HS3ST3A1: variants seen among roughly 807,000 people sequenced by gnomAD.
The protein encoded by HS3ST3A1 is heparan sulfate glucosamine 3-O-sulfotransferase 3A1.
A neutral mutation model predicts 25.7 loss-of-function variants in HS3ST3A1; 19 were observed. The ratio of observed to expected loss-of-function variants is 0.74; its 90% CI spans 0.52 to 1.08. The LOEUF (loss-of-function observed/expected upper bound fraction) is 1.08, where lower values mean the gene tolerates loss of function less well. HS3ST3A1 is among the 50% of genes least tolerant of loss of function. The probability of loss-of-function intolerance (pLI) is 0.00; values close to 1 mark genes in which losing one functional copy is unlikely to be tolerated. For synonymous variants in HS3ST3A1, 226 were observed against 278.6 expected (o/e 0.81, Z 1.88); for missense variants, 459 against 594.3 (o/e 0.77, Z 2.37).
chr17:13,496,095 C>A lies in HS3ST3A1; in HGVS notation c.*102G>T. 2 of 1,321,612 alleles carry A rather than the reference C, an allele frequency of 1.5e-6. No individual in the cohort carries two copies. Among genetic ancestry groups the A allele is most frequent in the Non-Finnish European group, 2.0e-6 (2 of 996,692 alleles). 81.9% of individuals were successfully genotyped at this position (1,321,612 alleles called of 1,614,324 possible). On this transcript the variant is annotated 3_prime_UTR_variant, in exon 2 of 2. Transcript: ENST00000284110. Reference sequence around the variant, plus strand: ...CTCTTAACATTCATTGAAAAAAATACTGAAACATATTTTCAGCACAAATAT... The same window carrying A: ...CTCTTAACATTCATTGAAAAAAATAATGAAACATATTTTCAGCACAAATAT...
At chr17:13,501,999 T>A (rs1450660769) in intron 1 of HS3ST3A1, among the ~76,000 whole-genome samples, 2 of 152,180 alleles carry the variant, frequency 1.3e-5, no homozygotes, top group Non-Finnish European at 1.5e-5. Flanking sequence ...GGGGATTTCA[T>A]TTCCTTCCAT....
chr17:13,496,463 G>T lies in HS3ST3A1; in HGVS notation c.955C>A (p.Pro319Thr). 7.2e-7 allele frequency: 1 copy of T among 1,386,518 alleles called. No homozygotes were observed. Among genetic ancestry groups the T allele is most frequent in the South Asian group, 1.3e-5 (1 of 77,146 alleles). 85.9% of individuals were successfully genotyped at this position (1,386,518 alleles called of 1,614,324 possible). Residue 319 changes from proline to threonine, a missense_variant, in exon 2 of 2, where the codon CCG becomes ACG. Around this residue, in one of 3 missense-constraint regions of HS3ST3A1, gnomAD observed 67 missense variants for 231.4 expected, o/e 0.29. Coordinates refer to ENST00000284110, the MANE Select transcript of HS3ST3A1 (RefSeq NM_006042.3). ...FVSGERLISD[P>T]AGELGRVQDF... ...TGCACGCGGCCCAGCTCCCCGGCCG[G>T]GTCGCTGATGAGCCGCTCGCCGCTC... is the stretch of plus-strand genomic sequence containing the variant.
At chr17:13,553,821 A>G (rs1240165399) in intron 1 of HS3ST3A1, among the ~76,000 whole-genome samples, 1 of 152,142 alleles carries the variant, frequency 6.6e-6, no homozygotes, top group African/African-American at 2.4e-5. Context: ...CTCCCCTCTC[A>G]GGTACTTCCT....
At chr17:13,499,282 A>T (rs1390792733) in intron 1 of HS3ST3A1, among the ~76,000 whole-genome samples, 2 of 152,214 alleles carry the variant, frequency 1.3e-5, no homozygotes, top group African/African-American at 4.8e-5. Context: ...TGGCTAGGCC[A>T]GCCTAATATA....
intron 1 of HS3ST3A1, among the ~76,000 whole-genome samples, chr17:13,568,222 T>C (rs974712896): frequency 2.0e-5 from 3 of 152,262 alleles, no homozygotes; most frequent in African/African-American, 7.2e-5. Flanking sequence ...TAAAGTATTT[T>C]TAAACTAAGG....
chr17:13,520,612 T>G (rs1014665502), intron 1 of HS3ST3A1, among the ~76,000 whole-genome samples: 3 of 151,956 alleles, frequency 2.0e-5, no homozygotes, highest in African/African-American at 7.3e-5. Context: ...ATTTCTTTCT[T>G]TCTTTCTTTT....
chr17:13,549,661 T>C (rs1415043073), intron 1 of HS3ST3A1, among the ~76,000 whole-genome samples: 1 of 152,182 alleles, frequency 6.6e-6, no homozygotes, highest in Non-Finnish European at 1.5e-5. Context: ...GCTCCAGCAC[T>C]GGACTATTGG....
At chr17:13,533,042 A>C (rs1906655625) in intron 1 of HS3ST3A1, among the ~76,000 whole-genome samples, 1 of 152,068 alleles carries the variant, frequency 6.6e-6, no homozygotes, top group Admixed American at 6.6e-5. Context: ...ATCTTATCAA[A>C]AAAGGACAAC....
intron 1 of HS3ST3A1, among the ~76,000 whole-genome samples, chr17:13,588,524 A>G (rs1761609342): frequency 1.3e-5 from 2 of 152,104 alleles, no homozygotes; most frequent in Admixed American, 1.3e-4. Context: ...GTTTTTTTCT[A>G]TTGGGATCCA....
rs1905207910 is a variant in HS3ST3A1, at chr17:13,494,033, C to T, written c.*2164G>A. Reference sequence around the variant, plus strand: ...AAAATATCTATGTTCAAAAAGGGATCCTTTGCATTCAATTCTGTTCTTTTA... The same window carrying T: ...AAAATATCTATGTTCAAAAAGGGATTCTTTGCATTCAATTCTGTTCTTTTA... On this transcript the variant is annotated 3_prime_UTR_variant, in exon 2 of 2. Transcript: ENST00000284110. 6.6e-6 allele frequency among the ~76,000 whole-genome samples: 1 copy of T among 152,092 alleles called. No homozygotes were observed. The highest frequency in any genetic ancestry group is 1.5e-5 in the Non-Finnish European group (1 of 68,006).
At chr17:13,547,942 GCCAAAAAAAA>G (rs1202090237) in intron 1 of HS3ST3A1, among the ~76,000 whole-genome samples, 11 of 108,764 alleles carry the variant, frequency 1.0e-4, no homozygotes, top group Admixed American at 8.6e-4. Context: ...GTTGGTGTGA[GCCAAAAAAAA>G]AAAAAAAAAA....
chr17:13,522,872 A>G (rs1312678891), intron 1 of HS3ST3A1, among the ~76,000 whole-genome samples: 9 of 151,866 alleles, frequency 5.9e-5, no homozygotes, highest in African/African-American at 1.5e-4. Flanking sequence ...ACACACACAC[A>G]CACACACACA....
At chr17:13,524,460 G>A (rs1906346213) in intron 1 of HS3ST3A1, among the ~76,000 whole-genome samples, 3 of 152,184 alleles carry the variant, frequency 2.0e-5, no homozygotes, top group South Asian at 2.1e-4. Flanking sequence ...GTATCACCAC[G>A]TTGCCCAGGG....
At chr17:13,591,929 G>A (rs1249673517) in intron 1 of HS3ST3A1, among the ~76,000 whole-genome samples, 3 of 152,112 alleles carry the variant, frequency 2.0e-5, no homozygotes, top group African/African-American at 7.2e-5. Context: ...CAAAGTGCCG[G>A]GATTCCAGGC....
chr17:13,505,929 A>G (rs1477377078), intron 1 of HS3ST3A1, among the ~76,000 whole-genome samples: 1 of 151,328 alleles, frequency 6.6e-6, no homozygotes, highest in East Asian at 2.0e-4. Context: ...AGGTTGAGGC[A>G]GGAGAATGAA....
At position 13,496,247 on chromosome 17, in the gene HS3ST3A1, T is replaced by C; in HGVS notation, c.1171A>G (p.Asn391Asp). ...RRLREFYRPF[N>D]LKFYQMTGHD... Reference sequence around the variant, plus strand: ...CCGGTCATCTGGTAGAACTTGAGGTTGAAAGGCCGGTAGAACTCGCGCAGC... The same window carrying C: ...CCGGTCATCTGGTAGAACTTGAGGTCGAAAGGCCGGTAGAACTCGCGCAGC... Residue 391 changes from asparagine (N) to aspartate (D), a missense_variant, in exon 2 of 2, where the codon AAC (asparagine) becomes GAC (aspartate). Asn to Asp is a conservative substitution (Grantham distance 23). This residue lies in a region of HS3ST3A1 where 46 missense variants were observed against 59.0 expected (regional missense o/e 0.78). Transcript: ENST00000284110. The C allele has an allele frequency of 6.2e-7, 1 of 1,600,906 alleles. No homozygotes were observed. Among genetic ancestry groups the C allele is most frequent in the Non-Finnish European group, 8.5e-7 (1 of 1,173,824 alleles).
At chr17:13,571,249 C>T (rs1012261334) in intron 1 of HS3ST3A1, among the ~76,000 whole-genome samples, 6 of 152,104 alleles carry the variant, frequency 3.9e-5, no homozygotes, top group Non-Finnish European at 7.3e-5. Flanking sequence ...AAAAATCCCC[C>T]GAAATACTCT....
chr17:13,542,529 C>G (rs1906965041), intron 1 of HS3ST3A1, among the ~76,000 whole-genome samples: 1 of 151,998 alleles, frequency 6.6e-6, no homozygotes, highest in Non-Finnish European at 1.5e-5. Context: ...TACCCATCCT[C>G]AATCTCAGAC....
intron 1 of HS3ST3A1, among the ~76,000 whole-genome samples, chr17:13,531,788 A>G (rs1906613888): frequency 6.6e-6 from 1 of 152,208 alleles, no homozygotes; most frequent in South Asian, 2.1e-4. Context: ...GCTTCTTATT[A>G]ATATGCAAAT....
Sources: allele counts gnomAD v4.1 joint callset (sites outside exome capture counted in the v4.1 genomes callset), GRCh38; gene constraint gnomAD v4.1.1; regional missense constraint gnomAD v4.1.1; transcripts MANE v1.5; gene names NCBI Gene and HGNC (gene_info 2026-07-23, HGNC 2026-07-21).